The following LMBR1L variants were observed in gnomAD, a reference collection of about 807,000 sequenced individuals.
LMBR1L encodes the protein limb development membrane protein 1 like.
A neutral mutation model predicts 67.3 loss-of-function variants in LMBR1L; 47 were observed. The ratio of observed to expected loss-of-function variants is 0.70; its 90% confidence interval spans 0.55 to 0.89. LMBR1L has a LOEUF of 0.89. Among genes scored for constraint, LMBR1L ranks in the 40% least tolerant of loss-of-function variants. The pLI, the probability that LMBR1L is intolerant of heterozygous loss-of-function variation, is 0.00. For missense variants in LMBR1L, 533 were observed against 599.2 expected (o/e 0.89, Z 1.15); for synonymous variants, 247 against 250.3 (o/e 0.99, Z 0.13).
rs758736163 is a variant in LMBR1L, at chr12:49,098,005, G to A, written c.1341C>T (p.Thr447=). 2 of 1,614,184 alleles carry A rather than the reference G, an allele frequency of 1.2e-6. No homozygotes were observed. Among genetic ancestry groups the A allele is most frequent in the East Asian group, 4.5e-5 (2 of 44,876 alleles). Residue 447 remains threonine, a synonymous_variant, in exon 16 of 17, where the codon ACC becomes ACT. Transcript: ENST00000267102. The part of the protein sequence containing the change: ...FLYNAAFAGL[T]TLCLVKTFTA... ...TGAAGGTCTTCACCAGACAGAGTGT[G>A]GTGAGGCCTGCAAAGGCTGCGTTGT... is the stretch of plus-strand genomic sequence containing the variant.
At chr12:49,104,656 C>A in intron 4 of LMBR1L, 90 bp downstream of exon 4, 1 of 1,584,516 alleles carries the variant, frequency 6.3e-7, no homozygotes, top group Non-Finnish European at 8.6e-7. Flanking sequence ...CGACATATGA[C>A]TGCTTGGCGC....
intron 3 of LMBR1L, chr12:49,105,142 T>A: frequency 4.2e-6 from 2 of 479,470 alleles, no homozygotes; most frequent in Non-Finnish European, 7.6e-6. Flanking sequence ...CCATGTCACA[T>A]ACCCAGGCTG....
chr12:49,101,978 A>T, intron 11 of LMBR1L, 142 bp downstream of exon 11: 1 of 682,540 alleles, frequency 1.5e-6, no homozygotes, highest in East Asian at 2.7e-5. Context: ...TGCTCACCAC[A>T]GGCAGGACAT....
At chr12:49,101,953 T>G (rs1421013639) in intron 11 of LMBR1L, 167 bp downstream of exon 11, 3 of 619,364 alleles carry the variant, frequency 4.8e-6, no homozygotes, top group Non-Finnish European at 5.7e-6. Context: ...TGGGGATTGA[T>G]GTGCTCAACA....
Position 49,104,795 on chromosome 12 carries a change from G to A in LMBR1L, c.282C>T (p.Ser94=). 2 of 1,613,866 alleles carry A rather than the reference G, an allele frequency of 1.2e-6. No homozygotes were observed. ...ACTGGATGTAGTAGTTCCGAGGCAG[G>A]GAGAGCAGCACCTCATTGCTGATGA... The part of the protein sequence containing the change: ...FSIISNEVLL[S]LPRNYYIQWL... The change falls in exon 4 of 17, where the codon TCC becomes TCT. Residue 94 remains serine (S), a synonymous_variant. Transcript: ENST00000267102.
In LMBR1L at chr12:49,103,154, A is replaced by G; in HGVS notation, c.568T>C (p.Trp190Arg). ...TAGAGGTAGGGGAGATAGTACTCCC[A>G]AAAGTCTAAGGATAAAAAAAAGAGG... is the stretch of plus-strand genomic sequence containing the variant. ...KANRESLYDF[W>R]EYYLPYLYSC... Residue 190 changes from tryptophan (W) to arginine (R), a missense_variant, in exon 7 of 17, where the codon TGG becomes CGG. This residue lies in a region of LMBR1L where 246 missense variants were observed against 249.0 expected (regional missense o/e 0.99). Transcript: ENST00000267102. 1 of 1,613,560 alleles carries G rather than the reference A, an allele frequency of 6.2e-7. No individual in the cohort carries two copies.
chr12:49,106,200 A>G lies in LMBR1L; in HGVS notation c.158-243T>C, dbSNP rs1001767551. On this transcript the variant is annotated intron_variant, in intron 2 of 16. Transcript: ENST00000267102. The stretch of plus-strand genomic sequence containing the variant: ...AGGCCAGACATTCCTATACTTCTTT[A>G]CTCCTCCCTAGATCTCTCCCATCAC... The G allele has an allele frequency of 6.0e-5, 33 of 547,044 alleles. No individual in the cohort carries two copies. The African/African-American group carries it at 6.1e-4, about 10-fold the overall frequency. 33.9% of individuals were successfully genotyped at this position (547,044 alleles called of 1,614,324 possible).
rs1940675179 is a variant in LMBR1L, at chr12:49,104,735, G to A, written c.331+11C>T. ...TATCCCTACCCCAAGCAGCTTCCAG[G>A]AGCCACACACCATGGATGAGGGAGC... On this transcript the variant is annotated intron_variant, in intron 4 of 16. Transcript: ENST00000267102. 1 of 1,613,078 alleles carries A rather than the reference G, an allele frequency of 6.2e-7. No homozygotes were observed. The highest frequency in any genetic ancestry group is 8.5e-7 in the Non-Finnish European group (1 of 1,179,626).
At chr12:49,100,521 C>T (rs138195319) in intron 14 of LMBR1L, 35 bp downstream of exon 14, 21,096 of 1,606,348 alleles carry the variant, frequency 0.013, 180 homozygotes, top group South Asian at 0.026. Context: ...CCCATCCACA[C>T]CCCCCGGGAG....
At chr12:49,100,281 T>C (rs1158503913) in intron 15 of LMBR1L, 107 bp downstream of exon 15, 2 of 879,180 alleles carry the variant, frequency 2.3e-6, no homozygotes, top group Non-Finnish European at 3.9e-6. Flanking sequence ...TACCTACTCA[T>C]GGGTTTGTTG....
Position 49,101,095 on chromosome 12 carries a change from C to A in LMBR1L, c.1082+155G>T, listed in dbSNP as rs1940111735. ...CCCTCCTTTCAAATTAAGTCTTTTCCTTCTTTCTGAACCTGAGGTTGATGA... is the reference window on the plus strand; with the variant it reads ...CCCTCCTTTCAAATTAAGTCTTTTCATTCTTTCTGAACCTGAGGTTGATGA... On this transcript the variant is annotated intron_variant, in intron 13 of 16. Coordinates refer to ENST00000267102, the MANE Select transcript of LMBR1L (RefSeq NM_018113.4). 9 of 1,509,962 alleles carry A rather than the reference C, an allele frequency of 6.0e-6. No homozygotes were observed. The South Asian group carries it at 1.2e-4, about 19-fold the overall frequency. The allele number at this position is 1,509,962 out of a possible 1,614,324, so 93.5% of individuals were successfully genotyped here. A position where few individuals can be genotyped will look rare whatever the true frequency, so the allele number is the denominator to read the frequency against.
chr12:49,110,298 G>C, intron 1 of LMBR1L, 186 bp downstream of exon 1: 2 of 624,398 alleles, frequency 3.2e-6, no homozygotes, highest in Admixed American at 5.3e-5. Flanking sequence ...TATCGCTCAG[G>C]GACCCAGCTG....
rs997310204 is a variant in LMBR1L, at chr12:49,103,724, A to G, written c.525T>C (p.Ile175=). The change falls in exon 6 of 17, where the codon ATT becomes ATC. Residue 175 remains isoleucine, a synonymous_variant. Transcript: ENST00000267102. The part of the protein sequence containing the change: ...VLGMVWVASA[I]VDKNKANRES... ...CTCTGTTGGCCTTGTTCTTGTCCAC[A>G]ATGGCTGATGCCACCCACACCATAC... is the stretch of plus-strand genomic sequence containing the variant. The G allele has an allele frequency of 6.2e-7, 1 of 1,614,130 alleles. No homozygotes were observed. The highest frequency in any genetic ancestry group is 8.5e-7 in the Non-Finnish European group (1 of 1,180,002).
chr12:49,101,445 G>C lies in LMBR1L; in HGVS notation c.1008+27C>G, dbSNP rs759548408. 26 of 1,611,378 alleles carry C rather than the reference G, an allele frequency of 1.6e-5. No individual in the cohort carries two copies. The Middle Eastern group carries it at 6.6e-4, about 41-fold the overall frequency. ...CAGCTGTTCTTAGGCCCTCCCCAAA[G>C]GATATGGTGGGAGGGCAGCCTGGTA... On this transcript the variant is annotated intron_variant, in intron 12 of 16. Coordinates refer to ENST00000267102, the MANE Select transcript of LMBR1L (RefSeq NM_018113.4).
At chr12:49,100,802 A>C in intron 13 of LMBR1L, 156 bp from the exon 14 acceptor site, 1 of 639,382 alleles carries the variant, frequency 1.6e-6, no homozygotes. Context: ...ATTTCAGCTC[A>C]CTGCAACCTT....
intron 5 of LMBR1L, 195 bp downstream of exon 5, chr12:49,104,252 GC>G: frequency 3.4e-6 from 2 of 589,334 alleles, no homozygotes; most frequent in Non-Finnish European, 6.0e-6. Context: ...CCTGGCTTCA[GC>G]TATTAGTGGG....
rs1592211614 is a variant in LMBR1L, at chr12:49,103,148, AC to A, written c.573del (p.Glu191AspfsTer38). 5 of 1,613,460 alleles carry A rather than the reference AC, an allele frequency of 3.1e-6. No homozygotes were observed. The East Asian group carries it at 1.1e-4, about 36-fold the overall frequency. On this transcript the variant is annotated frameshift_variant, in exon 7 of 17. Coordinates refer to ENST00000267102, the MANE Select transcript of LMBR1L (RefSeq NM_018113.4). LOFTEE classifies it high-confidence loss of function. ...CATGAGTAGAGGTAGGGGAGATAGT[AC>A]TCCCAAAAGTCTAAGGATAAAAAAA... ...ANRESLYDFWEYYLPYLYSCI... is the reference protein window; with the variant it reads ...ANRESLYDFWXYYLPYLYSCI...
Position 49,107,015 on chromosome 12 carries a change from T to G in LMBR1L, c.103A>C (p.Ile35Leu). Residue 35 changes from isoleucine (I) to leucine (L), a missense_variant, in exon 2 of 17, where the codon ATC becomes CTC. Physicochemically the swap from Ile to Leu is conservative, Grantham distance 5. Transcript: ENST00000267102. ...ISTLLFATLY[I>L]LCHIFLTRFK... ...CGGGTCAGGAAGATGTGGCAGAGGA[T>G]GTACAGTGTTGCAAACAGAAGTGTT... The G allele has an allele frequency of 1.9e-6, 3 of 1,613,734 alleles. No homozygotes were observed. Among genetic ancestry groups the G allele is most frequent in the Non-Finnish European group, 2.5e-6 (3 of 1,179,584 alleles).
Position 49,097,449 on chromosome 12 carries a change from C to G in LMBR1L, c.*223G>C. The G allele has an allele frequency of 1.7e-6, 1 of 572,576 alleles. No individual in the cohort carries two copies. 35.5% of individuals were successfully genotyped at this position (572,576 alleles called of 1,614,324 possible). On this transcript the variant is annotated 3_prime_UTR_variant, in exon 17 of 17. Transcript: ENST00000267102. ...GGATCAGGGGCTAGACCCAGTCACC[C>G]AGCCCTACCCCATGCTGAGGCCACA...
Sources: allele counts gnomAD v4.1 joint callset, GRCh38; gene constraint gnomAD v4.1.1; regional missense constraint gnomAD v4.1.1; transcripts MANE v1.5; gene names NCBI Gene and HGNC (gene_info 2026-07-23, HGNC 2026-07-21).